The following OCLN variants were observed in gnomAD, a reference collection of about 807,000 sequenced individuals.
The protein encoded by OCLN is phosphatase 1, regulatory subunit 115.
In OCLN, 21 loss-of-function variants were observed where a neutral mutation model predicts 47.9. The observed-to-expected ratio is 0.44, with a 90% confidence interval of 0.31 to 0.63. The LOEUF (loss-of-function observed/expected upper bound fraction) is 0.63, where lower values mean the gene tolerates loss of function less well. Among genes scored for constraint, OCLN ranks in the 30% least tolerant of loss-of-function variants. OCLN has a pLI of 0.08. For synonymous variants in OCLN, 117 were observed against 198.4 expected (o/e 0.59, Z 3.45); for missense variants, 360 against 571.0 (o/e 0.63, Z 3.77).
rs1483069047 is a variant in OCLN, at chr5:69,493,574, C to G, written c.-69+674C>G. Among the ~76,000 whole-genome samples the G allele has an allele frequency of 1.3e-5, 2 of 152,118 alleles. No homozygotes were observed. Among genetic ancestry groups the G allele is most frequent in the Admixed American group, 6.5e-5 (1 of 15,278 alleles). ...GTTAATTTCGAGTGAGGCTGGACTT[C>G]GAGGGAAGCTGCTCACGCTTCGGAT... is the stretch of plus-strand genomic sequence containing the variant. On this transcript the variant is annotated intron_variant, in intron 1 of 8. Coordinates refer to ENST00000396442, the MANE Select transcript of OCLN (RefSeq NM_001205254.2). The surrounding 1 kb of genome is among the most constrained non-coding windows in gnomAD (Gnocchi z 5.3).
intron 4 of OCLN, among the ~76,000 whole-genome samples, chr5:69,517,753 A>G (rs867738759): frequency 9.2e-5 from 14 of 152,260 alleles, no homozygotes; most frequent in Middle Eastern, 3.4e-3. Context: ...CACTGAGACG[A>G]TAGTTCTTAT....
intron 1 of OCLN, among the ~76,000 whole-genome samples, chr5:69,498,829 G>A (rs955620891): frequency 4.0e-5 from 6 of 151,830 alleles, no homozygotes; most frequent in South Asian, 2.1e-4. Context: ...ACAGGCACCC[G>A]GCACAATCCC....
intron 1 of OCLN, among the ~76,000 whole-genome samples, chr5:69,498,422 A>G (rs1768362829): frequency 6.6e-6 from 1 of 151,750 alleles, no homozygotes; most frequent in Non-Finnish European, 1.5e-5. Flanking sequence ...TGAACCTGGG[A>G]GGTGGAGGTT....
At chr5:69,548,367 G>A (rs1269456806) in intron 7 of OCLN, among the ~76,000 whole-genome samples, 1 of 147,904 alleles carries the variant, frequency 6.8e-6, no homozygotes, top group Non-Finnish European at 1.5e-5. Context: ...AGGCTGGAGT[G>A]CAGTGGCGTG....
rs1189010939 is a variant in OCLN, at chr5:69,507,278, G to T, written c.51-1863G>T. ...GCCTCCCAAGTAGATGGGATTACAG[G>T]TAACCACCACAATGCACAACCAATT... On this transcript the variant is annotated intron_variant, in intron 2 of 8. Coordinates refer to ENST00000396442, the MANE Select transcript of OCLN (RefSeq NM_001205254.2). 2.0e-5 allele frequency among the ~76,000 whole-genome samples: 3 copies of T among 152,012 alleles called. No individual in the cohort carries two copies. In the East Asian group the frequency reaches 5.8e-4, roughly 29 times the overall value.
intron 4 of OCLN, among the ~76,000 whole-genome samples, chr5:69,515,538 A>ACC (rs1206132794): frequency 5.0e-4 from 1 of 2,008 alleles, no homozygotes; most frequent in African/African-American, 1.4e-3. Context: ...CGGGGGGCTG[A>ACC]CCCCCCCCCA....
intron 7 of OCLN, among the ~76,000 whole-genome samples, chr5:69,549,595 TGA>T (rs1161449831): frequency 2.0e-5 from 3 of 146,924 alleles, no homozygotes; most frequent in African/African-American, 4.9e-5. Flanking sequence ...ATCACCTGGC[TGA>T]GATAGAATTT....
intron 4 of OCLN, among the ~76,000 whole-genome samples, chr5:69,528,739 A>G (rs1769350013): frequency 6.6e-6 from 1 of 152,154 alleles, no homozygotes; most frequent in Non-Finnish European, 1.5e-5. Context: ...GAAAATAGAG[A>G]TAATTGTATC....
chr5:69,499,745 C>T (rs1451551164), intron 1 of OCLN, among the ~76,000 whole-genome samples: 1 of 152,146 alleles, frequency 6.6e-6, no homozygotes, highest in Non-Finnish European at 1.5e-5. Context: ...CCACCAAGCC[C>T]AGCTAATTTT....
At chr5:69,537,399 A>G (rs1178099205) in intron 5 of OCLN, among the ~76,000 whole-genome samples, 3 of 24,176 alleles carry the variant, frequency 1.2e-4, no homozygotes, top group African/African-American at 4.6e-4. Flanking sequence ...ATTTTTTTCT[A>G]TTTTTTTTTG....
intron 3 of OCLN, among the ~76,000 whole-genome samples, chr5:69,511,445 A>G (rs1265432654): frequency 3.3e-5 from 5 of 149,966 alleles, no homozygotes; most frequent in Non-Finnish European, 1.5e-5. Flanking sequence ...ACAGAGTCTC[A>G]CTGTCACCCA....
At chr5:69,513,473 G>C (rs1768841309) in intron 3 of OCLN, among the ~76,000 whole-genome samples, 1 of 152,166 alleles carries the variant, frequency 6.6e-6, no homozygotes. Flanking sequence ...AAAAAGGCTT[G>C]CCAAGCATAT....
At chr5:69,498,452 C>A (rs1580541829) in intron 1 of OCLN, among the ~76,000 whole-genome samples, 1 of 151,996 alleles carries the variant, frequency 6.6e-6, no homozygotes, top group South Asian at 2.1e-4. Context: ...CGAGATCACG[C>A]CATTGCATTC....
Position 69,554,372 on chromosome 5 carries a change from G to A in OCLN, c.*701G>A, listed in dbSNP as rs910361538. ...TTTTTAAGATCAAAGTTTAAACCCC[G>A]TGGTTAGAATTTTGTGTGTTTTTAA... is the stretch of plus-strand genomic sequence containing the variant. On this transcript the variant is annotated 3_prime_UTR_variant, in exon 9 of 9. Coordinates refer to ENST00000396442, the MANE Select transcript of OCLN (RefSeq NM_001205254.2). The A allele has an allele frequency of 3.1e-4, 47 of 152,096 alleles. 1 individual carries two copies. Among genetic ancestry groups the A allele is most frequent in the African/African-American group, 1.0e-3 (42 of 41,468 alleles). The allele number at this position is 152,096 out of a possible 1,614,324, so 9.4% of individuals were successfully genotyped here. A position where few individuals can be genotyped will look rare whatever the true frequency, so the allele number is the denominator to read the frequency against.
chr5:69,521,773 T>C (rs1445354942), intron 4 of OCLN, among the ~76,000 whole-genome samples: 1 of 152,226 alleles, frequency 6.6e-6, no homozygotes, highest in Non-Finnish European at 1.5e-5. Flanking sequence ...TGTCATTAAT[T>C]TTTGTTAATC....
At chr5:69,517,901 G>C (rs1297206150) in intron 4 of OCLN, among the ~76,000 whole-genome samples, 1 of 152,162 alleles carries the variant, frequency 6.6e-6, no homozygotes, top group Non-Finnish European at 1.5e-5. Flanking sequence ...TATATTATGA[G>C]CTATGAAGTA....
rs73772567 is a variant in OCLN at position 69,508,998 on chromosome 5, T to C, written c.51-143T>C. 5,637 of 740,552 alleles carry C rather than the reference T, an allele frequency of 7.6e-3. 218 individuals carry two copies. The African/African-American group carries it at 0.088, about 12-fold the overall frequency. 45.9% of individuals were successfully genotyped at this position (740,552 alleles called of 1,614,324 possible). A position where few individuals can be genotyped will look rare whatever the true frequency, so the allele number is the denominator to read the frequency against. On this transcript the variant is annotated intron_variant, in intron 2 of 8. Transcript: ENST00000396442. Reference sequence around the variant, plus strand: ...GCTAGAGGCCAATAATCTTATGTTTTAACAAGCCCTCCAGGTGATTCCTGT... The same window carrying C: ...GCTAGAGGCCAATAATCTTATGTTTCAACAAGCCCTCCAGGTGATTCCTGT...
intron 4 of OCLN, among the ~76,000 whole-genome samples, chr5:69,525,318 A>C (rs1769247984): frequency 6.6e-6 from 1 of 151,550 alleles, no homozygotes; most frequent in Non-Finnish European, 1.5e-5. Flanking sequence ...GTTAGCCAGG[A>C]TGGTCTCGAT....
Position 69,493,289 on chromosome 5 carries a change from G to T in OCLN, c.-69+389G>T, listed in dbSNP as rs756964323. On this transcript the variant is annotated intron_variant, in intron 1 of 8. Transcript: ENST00000396442. The surrounding 1 kb of genome is among the most constrained non-coding windows in gnomAD (Gnocchi z 5.3). ...TGGGGGGGCGGCCTTCATGGAGAGG[G>T]ATCCTGCGCCCAGCTCCTTGGGGGT... 6.6e-6 allele frequency among the ~76,000 whole-genome samples: 1 copy of T among 152,146 alleles called. No individual in the cohort carries two copies. Among genetic ancestry groups the T allele is most frequent in the Non-Finnish European group, 1.5e-5 (1 of 68,024 alleles).
Sources: gnomAD v4.1 joint callset for allele counts (sites outside exome capture counted in the v4.1 genomes callset) on GRCh38, gnomAD v4.1.1 for gene constraint, Gnocchi (gnomAD v3.1) non-coding constraint, MANE v1.5 for transcripts, NCBI Gene and HGNC (gene_info 2026-07-23, HGNC 2026-07-21) for gene names.